Variants in PROM1 observed in about 807,000 individuals in gnomAD.
PROM1 encodes prominin-1.
PROM1 carries 105 observed loss-of-function variants against 116.9 expected under a neutral mutation model. The ratio of observed to expected loss-of-function variants is 0.90; its 90% confidence interval spans 0.77 to 1.06. PROM1 has a LOEUF of 1.06. PROM1 is among the 50% of genes least tolerant of loss of function. The probability of loss-of-function intolerance (pLI) is 0.00; values close to 1 mark genes in which losing one functional copy is unlikely to be tolerated. For synonymous variants in PROM1, 393 were observed against 387.0 expected (o/e 1.02, Z -0.18); for missense variants, 1,122 against 1,045.2 (o/e 1.07, Z -1.01).
At chr4:16,005,155 G>GT (rs902589589) in intron 13 of PROM1, among the ~76,000 whole-genome samples, 2 of 151,862 alleles carry the variant, frequency 1.3e-5, no homozygotes, top group African/African-American at 4.8e-5. Flanking sequence ...TAGACATGGG[G>GT]TTTCACCATG....
At position 15,979,744 on chromosome 4, in the gene PROM1, A is replaced by G. The variant is rs1435611428; in HGVS notation, c.2513+137T>C. On this transcript the variant is annotated intron_variant, in intron 25 of 27. Transcript: ENST00000447510. ...CAACCCTCTTTTTAAGACCATTGCAATTTATTTTTGCCTGTACAGATCTGC... is the reference window on the plus strand; with the variant it reads ...CAACCCTCTTTTTAAGACCATTGCAGTTTATTTTTGCCTGTACAGATCTGC... 6 of 940,828 alleles carry G rather than the reference A, an allele frequency of 6.4e-6. No homozygotes were observed. In the African/African-American group the frequency reaches 1.0e-4, roughly 16 times the overall value. The allele number at this position is 940,828 out of a possible 1,614,324, so 58.3% of individuals were successfully genotyped here. A position where few individuals can be genotyped will look rare whatever the true frequency, so the allele number is the denominator to read the frequency against.
intron 18 of PROM1, among the ~76,000 whole-genome samples, chr4:15,990,915 T>C (rs2058146): frequency 0.93 from 141,230 of 152,354 alleles, 65,646 homozygotes; most frequent in Middle Eastern, 0.98. Context: ...TTCTGCACAC[T>C]GCCTATGGGG....
At chr4:16,018,812 A>G (rs914651628) in intron 8 of PROM1, among the ~76,000 whole-genome samples, 65 of 152,300 alleles carry the variant, frequency 4.3e-4, no homozygotes, top group African/African-American at 1.5e-3. Flanking sequence ...GGACACCTCA[A>G]TGCAGCATTA....
rs910539714 is a variant in PROM1 at position 15,999,873 on chromosome 4, A to G, written c.1578+623T>C. Among the ~76,000 whole-genome samples, 7 of 152,342 alleles carry G rather than the reference A, an allele frequency of 4.6e-5. No individual in the cohort carries two copies. In the East Asian group the frequency reaches 1.4e-3, roughly 29 times the overall value. On this transcript the variant is annotated intron_variant, in intron 14 of 27. Transcript: ENST00000447510. ...AAAAAAAAAACACAGAAAAGCCACA[A>G]TTAGAAGCCAGACACTTACAACAAA...
chr4:15,998,402 A>G lies in PROM1; in HGVS notation c.1665T>C (p.Thr555=). ...KLFNKSKMKL[T]FEQVYSDCKK... Reference sequence around the variant, plus strand: ...ATTGATACCTGTAAACTTGTTCAAAAGTGAGCTTCATTTTTGATTTATTAA... The same window carrying G: ...ATTGATACCTGTAAACTTGTTCAAAGGTGAGCTTCATTTTTGATTTATTAA... The change falls in exon 15 of 28, where the codon ACT becomes ACC. Residue 555 remains threonine, a synonymous_variant. Coordinates refer to ENST00000447510, the MANE Select transcript of PROM1 (RefSeq NM_006017.3). The G allele has an allele frequency of 6.2e-7, 1 of 1,602,742 alleles. No homozygotes were observed.
intron 8 of PROM1, among the ~76,000 whole-genome samples, chr4:16,021,989 A>G (rs541952031): frequency 1.3e-5 from 2 of 152,282 alleles, no homozygotes; most frequent in South Asian, 4.1e-4. Flanking sequence ...TTACAAGAAG[A>G]GGAAGGGACA....
chr4:16,035,875 G>A (rs1031177031), intron 3 of PROM1, 114 bp from the exon 4 acceptor site: 15 of 945,428 alleles, frequency 1.6e-5, no homozygotes, highest in Non-Finnish European at 2.4e-5. Flanking sequence ...ATCCCACAAG[G>A]AGGAAATTGG....
chr4:16,041,602 T>C (rs1327503516), intron 2 of PROM1, among the ~76,000 whole-genome samples: 2 of 151,680 alleles, frequency 1.3e-5, no homozygotes, highest in Non-Finnish European at 2.9e-5. Context: ...CTGGGTAACA[T>C]AGTGAGACCC....
intron 13 of PROM1, among the ~76,000 whole-genome samples, chr4:16,000,851 C>T: frequency 6.6e-6 from 1 of 151,460 alleles, no homozygotes; most frequent in African/African-American, 2.4e-5. Context: ...GGAGGGGCAG[C>T]TCCAGAGCAG....
intron 26 of PROM1, among the ~76,000 whole-genome samples, chr4:15,976,007 G>A (rs559035593): frequency 6.6e-5 from 10 of 152,332 alleles, no homozygotes; most frequent in Admixed American, 2.0e-4. Flanking sequence ...GCTGTGGACC[G>A]TTAAGGAAGG....
intron 12 of PROM1, among the ~76,000 whole-genome samples, chr4:16,007,282 A>G (rs1219536206): frequency 2.0e-5 from 3 of 152,266 alleles, no homozygotes; most frequent in African/African-American, 7.2e-5. Flanking sequence ...AAATGCCTGC[A>G]GAATGCAAAT....
At chr4:16,046,264 A>G (rs753004731) in intron 2 of PROM1, among the ~76,000 whole-genome samples, 11 of 152,226 alleles carry the variant, frequency 7.2e-5, no homozygotes, top group Non-Finnish European at 1.0e-4. Context: ...TGTGGCCACC[A>G]GCACTTTCTC....
intron 26 of PROM1, among the ~76,000 whole-genome samples, chr4:15,978,866 A>G (rs915515597): frequency 1.3e-5 from 2 of 152,236 alleles, no homozygotes; most frequent in Non-Finnish European, 2.9e-5. Context: ...GTTACCTGAC[A>G]TATGATATAT....
At chr4:16,021,872 C>G (rs1729986101) in intron 8 of PROM1, among the ~76,000 whole-genome samples, 1 of 152,140 alleles carries the variant, frequency 6.6e-6, no homozygotes, top group Non-Finnish European at 1.5e-5. Flanking sequence ...TATGTCTCCC[C>G]CAGATTCGTA....
intron 16 of PROM1, 134 bp from the exon 17 acceptor site, chr4:15,992,525 G>A (rs1315704026): frequency 1.4e-5 from 13 of 913,836 alleles, no homozygotes; most frequent in Non-Finnish European, 1.9e-5. Flanking sequence ...GGCTGAGGTG[G>A]GAGGATCGCT....
Position 16,053,436 on chromosome 4 carries a change from T to A in PROM1, c.221-14435A>T, listed in dbSNP as rs532866651. The stretch of plus-strand genomic sequence containing the variant: ...AAAAACCACAATGTTTAAGAGTTTC[T>A]TTCTCCCTTGTTGTGATTCCGATTC... On this transcript the variant is annotated intron_variant, in intron 2 of 27. Coordinates refer to ENST00000447510, the MANE Select transcript of PROM1 (RefSeq NM_006017.3). 4.6e-5 allele frequency among the ~76,000 whole-genome samples: 7 copies of A among 152,372 alleles called. No individual in the cohort carries two copies. The South Asian group carries it at 1.4e-3, about 32-fold the overall frequency.
chr4:16,049,092 A>G (rs985840621), intron 2 of PROM1, among the ~76,000 whole-genome samples: 1 of 152,212 alleles, frequency 6.6e-6, no homozygotes, highest in Non-Finnish European at 1.5e-5. Flanking sequence ...CCCCTGGAGA[A>G]TCCAGAGAGT....
rs969648485 is a variant in PROM1, at chr4:16,075,691, T to C, written c.216A>G (p.Pro72=). 18 of 1,611,248 alleles carry C rather than the reference T, an allele frequency of 1.1e-5. No homozygotes were observed. Among genetic ancestry groups the C allele is most frequent in the Non-Finnish European group, 1.5e-5 (18 of 1,178,490 alleles). The change falls in exon 2 of 28, where the codon CCA becomes CCG. Residue 72 remains proline (P), a synonymous_variant. Transcript: ENST00000447510. ...TTCCCTGCCATCAGCACTTACCTTC[T>C]GGGAAATCACGCGGCTGTACCACAT... ...FLYVVQPRDF[P]EDTLRKFLQK... is the part of the protein sequence containing the mutation.
At position 15,977,092 on chromosome 4, in the gene PROM1, T is replaced by C. The variant is rs558097387; in HGVS notation, c.2582+2303A>G. Among the ~76,000 whole-genome samples the C allele has an allele frequency of 5.4e-5, 8 of 148,500 alleles. No individual in the cohort carries two copies. In the South Asian group the frequency reaches 1.3e-3, roughly 23 times the overall value. On this transcript the variant is annotated intron_variant, in intron 26 of 27. Transcript: ENST00000447510. ...GCAGGCCAACCTTGACTTCTCCCCCTTTTTTTCACAACCATGGCTCCTCAT... is the reference window on the plus strand; with the variant it reads ...GCAGGCCAACCTTGACTTCTCCCCCCTTTTTTCACAACCATGGCTCCTCAT...
Sources: allele counts gnomAD v4.1 joint callset (sites outside exome capture counted in the v4.1 genomes callset), GRCh38; gene constraint gnomAD v4.1.1; transcripts MANE v1.5; gene names NCBI Gene and HGNC (gene_info 2026-07-23, HGNC 2026-07-21).